EFR3B: variants seen among roughly 807,000 people sequenced by gnomAD.
EFR3B encodes EFR3 homolog B, also known as protein EFR3 homolog B.
EFR3B carries 64 observed loss-of-function variants against 104.7 expected under a neutral mutation model. The ratio of observed to expected loss-of-function variants is 0.61; its 90% CI spans 0.50 to 0.75. The LOEUF (loss-of-function observed/expected upper bound fraction) is 0.75, where lower values mean the gene tolerates loss of function less well. EFR3B is among the 30% of genes least tolerant of loss of function. The pLI is 0.00. For synonymous variants in EFR3B, 385 were observed against 417.9 expected (o/e 0.92, Z 0.96); for missense variants, 750 against 1,078.5 (o/e 0.70, Z 4.27).
In EFR3B at chr2:25,042,280, G is replaced by A; in HGVS notation, c.-33G>A. On this transcript the variant is annotated 5_prime_UTR_variant, in exon 1 of 23. Coordinates refer to ENST00000403714, the MANE Select transcript of EFR3B (RefSeq NM_014971.2). This position sits in a 1 kb window ranked among gnomAD's most constrained non-coding sequence, Gnocchi z 5.4. ...GGCTGGCTGGGAACGCCGCAGCGAC[G>A]CCGGCCTCTCGAGAGGCGCGCGCCC... 7.6e-7 allele frequency: 1 copy of A among 1,307,364 alleles called. No individual in the cohort carries two copies. Among genetic ancestry groups the A allele is most frequent in the East Asian group, 3.2e-5 (1 of 31,728 alleles). The allele number at this position is 1,307,364 out of a possible 1,614,324, so 81.0% of individuals were successfully genotyped here. A position where few individuals can be genotyped will look rare whatever the true frequency, so the allele number is the denominator to read the frequency against.
In EFR3B at chr2:25,131,335, G is replaced by A; in HGVS notation, c.850-33G>A. ...CGCAGCCCAGGGACCCCGTGGGGTT[G>A]CTGTCCAGGCCCAGCTCATCTTCCT... On this transcript the variant is annotated intron_variant, in intron 8 of 22. Coordinates refer to ENST00000403714, the MANE Select transcript of EFR3B (RefSeq NM_014971.2). The surrounding 1 kb of genome is among the most constrained non-coding windows in gnomAD (Gnocchi z 7.6). 1.9e-6 allele frequency: 3 copies of A among 1,543,542 alleles called. No individual in the cohort carries two copies. Among genetic ancestry groups the A allele is most frequent in the Non-Finnish European group, 2.6e-6 (3 of 1,141,872 alleles).
chr2:25,126,117 G>A (rs1247143268), intron 5 of EFR3B, among the ~76,000 whole-genome samples: 1 of 152,210 alleles, frequency 6.6e-6, no homozygotes, highest in Non-Finnish European at 1.5e-5. Flanking sequence ...TGTGAGAGTG[G>A]CATTCTCCTG....
At chr2:25,067,861 AT>A (rs1466174233) in intron 1 of EFR3B, among the ~76,000 whole-genome samples, 5 of 152,032 alleles carry the variant, frequency 3.3e-5, no homozygotes, top group Admixed American at 3.3e-4. Context: ...GGAAAAAAAA[AT>A]AGAGATGGGG....
At position 25,042,228 on chromosome 2, in the gene EFR3B, T is replaced by C; in HGVS notation, c.-85T>C. ...GGCCGCCGCCAGTCCCCGCCCCGACTGTGAATGAAAGGCGGGCGCCGCCGA... is the reference window on the plus strand; with the variant it reads ...GGCCGCCGCCAGTCCCCGCCCCGACCGTGAATGAAAGGCGGGCGCCGCCGA... On this transcript the variant is annotated 5_prime_UTR_variant, in exon 1 of 23. Coordinates refer to ENST00000403714, the MANE Select transcript of EFR3B (RefSeq NM_014971.2). The surrounding 1 kb of genome is among the most constrained non-coding windows in gnomAD (Gnocchi z 5.4). The C allele has an allele frequency of 1.6e-6, 2 of 1,261,820 alleles. No homozygotes were observed. Among genetic ancestry groups the C allele is most frequent in the South Asian group, 4.6e-5 (2 of 43,092 alleles). The allele number at this position is 1,261,820 out of a possible 1,614,324, so 78.2% of individuals were successfully genotyped here.
At position 25,072,415 on chromosome 2, in the gene EFR3B, G is replaced by C. The variant is rs535348927; in HGVS notation, c.8-18910G>C. On this transcript the variant is annotated intron_variant, in intron 1 of 22. Transcript: ENST00000403714. ...CCAACCTCAGCCTCCTGAATAGCTG[G>C]AATTACAGGTGCATGCTACCACACT... Among the ~76,000 whole-genome samples the C allele has an allele frequency of 4.8e-4, 73 of 152,232 alleles. 2 individuals carry two copies. In the South Asian group the frequency reaches 0.014, roughly 30 times the overall value.
intron 1 of EFR3B, among the ~76,000 whole-genome samples, chr2:25,073,854 C>A (rs1054249333): frequency 6.6e-6 from 1 of 152,178 alleles, no homozygotes; most frequent in Non-Finnish European, 1.5e-5. Context: ...TTCTTCCTCC[C>A]CTGTGAAGCC....
At chr2:25,057,817 T>G (rs1288648363) in intron 1 of EFR3B, among the ~76,000 whole-genome samples, 1 of 150,666 alleles carries the variant, frequency 6.6e-6, no homozygotes, top group Non-Finnish European at 1.5e-5. Flanking sequence ...TCAATTGAGC[T>G]ACAGTAAAAT....
At chr2:25,070,159 T>C (rs1471944095) in intron 1 of EFR3B, among the ~76,000 whole-genome samples, 1 of 152,224 alleles carries the variant, frequency 6.6e-6, no homozygotes, top group Non-Finnish European at 1.5e-5. Context: ...TAGCTAGTCC[T>C]CAATTTGGTC....
intron 21 of EFR3B, 59 bp from the exon 22 acceptor site, chr2:25,153,653 C>T: frequency 6.5e-7 from 1 of 1,535,184 alleles, no homozygotes; most frequent in South Asian, 1.2e-5. Context: ...CCTGAGCCAG[C>T]TGGCAGAGGT....
At chr2:25,053,471 C>CCA (rs1667936663) in intron 1 of EFR3B, among the ~76,000 whole-genome samples, 1 of 152,104 alleles carries the variant, frequency 6.6e-6, no homozygotes, top group Non-Finnish European at 1.5e-5. Flanking sequence ...CAAGGCTGGG[C>CCA]CACACACACA....
rs1323938472 is a variant in EFR3B, at chr2:25,128,285, C to T, written c.588C>T (p.Ile196=). 8.4e-6 allele frequency: 13 copies of T among 1,551,692 alleles called. No individual in the cohort carries two copies. The Admixed American group carries it at 1.2e-4, about 14-fold the overall frequency. ...GGGACCCACAGCACATGGATAAGAT[C>T]GTTCCATCACTGCTTTTCAATCTAC... ...NIWDPQHMDK[I]VPSLLFNLQH... Residue 196 remains isoleucine, a synonymous_variant, in exon 6 of 23, where the codon ATC becomes ATT. Transcript: ENST00000403714.
In EFR3B at chr2:25,044,956, A is replaced by G. The variant is rs993456116; in HGVS notation, c.7+2637A>G. ...TGAGGTCATCCCATCTGAATCCAGGAGCCCTTTCATGGCTGGGTGACCTCA... is the reference window on the plus strand; with the variant it reads ...TGAGGTCATCCCATCTGAATCCAGGGGCCCTTTCATGGCTGGGTGACCTCA... On this transcript the variant is annotated intron_variant, in intron 1 of 22. Coordinates refer to ENST00000403714, the MANE Select transcript of EFR3B (RefSeq NM_014971.2). Among the ~76,000 whole-genome samples the G allele has an allele frequency of 3.9e-5, 6 of 152,170 alleles. No individual in the cohort carries two copies. The South Asian group carries it at 1.0e-3, about 26-fold the overall frequency.
At chr2:25,080,320 G>GT (rs1176131826) in intron 1 of EFR3B, 1 of 452,182 alleles carries the variant, frequency 2.2e-6, no homozygotes, top group Non-Finnish European at 3.2e-6. Context: ...TTGAGATGGA[G>GT]TTTTGCTCTT....
chr2:25,077,350 C>T (rs1477842121), intron 1 of EFR3B, among the ~76,000 whole-genome samples: 3 of 152,104 alleles, frequency 2.0e-5, no homozygotes, highest in African/African-American at 4.8e-5. Context: ...TGCGATGGCA[C>T]GATCTCAGCT....
Position 25,042,581 on chromosome 2 carries a change from G to C in EFR3B, c.7+262G>C, listed in dbSNP as rs2149160078. On this transcript the variant is annotated intron_variant, in intron 1 of 22. Transcript: ENST00000403714. The surrounding 1 kb of genome is among the most constrained non-coding windows in gnomAD (Gnocchi z 5.4). Reference sequence around the variant, plus strand: ...GGTCCTTCGGGGGGCGGAGGCTCAGGGGAAAGCGGGTCTCCCGGAGCCGAG... The same window carrying C: ...GGTCCTTCGGGGGGCGGAGGCTCAGCGGAAAGCGGGTCTCCCGGAGCCGAG... The C allele has an allele frequency of 8.3e-7, 1 of 1,198,346 alleles. No homozygotes were observed. Among genetic ancestry groups the C allele is most frequent in the Admixed American group, 4.4e-5 (1 of 22,568 alleles). The allele number at this position is 1,198,346 out of a possible 1,614,324, so 74.2% of individuals were successfully genotyped here. A position where few individuals can be genotyped will look rare whatever the true frequency, so the allele number is the denominator to read the frequency against.
chr2:25,089,656 G>C (rs773629832), intron 1 of EFR3B, among the ~76,000 whole-genome samples: 2 of 152,104 alleles, frequency 1.3e-5, no homozygotes, highest in Non-Finnish European at 2.9e-5. Flanking sequence ...GCCCCTGGGA[G>C]CTGTCCCATC....
chr2:25,100,378 TTTGCTGCGATC>T (rs1669398121), intron 3 of EFR3B, among the ~76,000 whole-genome samples: 1 of 152,242 alleles, frequency 6.6e-6, no homozygotes, highest in Non-Finnish European at 1.5e-5. Context: ...TGGTGGCAGC[TTTGCTGCGATC>T]TTGTAAGAGA....
chr2:25,079,854 T>C, intron 1 of EFR3B: 1 of 907,488 alleles, frequency 1.1e-6, no homozygotes, highest in Non-Finnish European at 1.8e-6. Context: ...GTATCCTTAA[T>C]GATTATAGCA....
rs1670339494 is a variant in EFR3B, at chr2:25,131,688, C to T, written c.986-62C>T. ...GGCGTGACCCTGCCCTGCCTGCGCGCGGTGCACAGAGGAGGAGGGTGCCAG... is the reference window on the plus strand; with the variant it reads ...GGCGTGACCCTGCCCTGCCTGCGCGTGGTGCACAGAGGAGGAGGGTGCCAG... On this transcript the variant is annotated intron_variant, in intron 9 of 22. Coordinates refer to ENST00000403714, the MANE Select transcript of EFR3B (RefSeq NM_014971.2). This position sits in a 1 kb window ranked among gnomAD's most constrained non-coding sequence, Gnocchi z 7.6. 4 of 1,478,344 alleles carry T rather than the reference C, an allele frequency of 2.7e-6. No homozygotes were observed. In the South Asian group the frequency reaches 4.1e-5, roughly 15 times the overall value. The allele number at this position is 1,478,344 out of a possible 1,614,324, so 91.6% of individuals were successfully genotyped here. A position where few individuals can be genotyped will look rare whatever the true frequency, so the allele number is the denominator to read the frequency against.
Sources: allele counts gnomAD v4.1 joint callset (sites outside exome capture counted in the v4.1 genomes callset), GRCh38; gene constraint gnomAD v4.1.1; non-coding constraint Gnocchi (gnomAD v3.1); transcripts MANE v1.5; gene names NCBI Gene and HGNC (gene_info 2026-07-23, HGNC 2026-07-21).